PIK3C2G: variants seen among roughly 807,000 people sequenced by gnomAD.
The protein encoded by PIK3C2G is phosphatidylinositol 3-kinase C2 domain-containing subunit gamma.
A neutral mutation model predicts 181.1 loss-of-function variants in PIK3C2G; 168 were observed. That is an observed-to-expected ratio of 0.93 (90% CI 0.82 to 1.05). The LOEUF (loss-of-function observed/expected upper bound fraction) is 1.05. Ranked by LOEUF, PIK3C2G falls within the 50% of genes least tolerant of loss-of-function variation. The pLI is 0.00. For synonymous variants in PIK3C2G, 573 were observed against 592.2 expected (o/e 0.97, Z 0.47); for missense variants, 1,869 against 1,732.8 (o/e 1.08, Z -1.40).
intron 5 of PIK3C2G, among the ~76,000 whole-genome samples, chr12:18,305,817 G>C (rs572533365): frequency 6.6e-6 from 1 of 151,898 alleles, no homozygotes; most frequent in East Asian, 1.9e-4. Flanking sequence ...TGATCTCCTG[G>C]TATAATTACT....
chr12:18,281,380 A>G (rs1396795021), intron 1 of PIK3C2G, among the ~76,000 whole-genome samples: 3 of 151,892 alleles, frequency 2.0e-5, no homozygotes, highest in Non-Finnish European at 4.4e-5. Flanking sequence ...AAGTATGGTG[A>G]ACGGTATCAA....
intron 15 of PIK3C2G, among the ~76,000 whole-genome samples, chr12:18,394,717 C>G (rs557989409): frequency 6.6e-6 from 1 of 151,912 alleles, no homozygotes; most frequent in East Asian, 1.9e-4. Context: ...GAACGGTGAG[C>G]TTGAAGACAG....
the PIK3C2G span, chr12:18,683,717 T>C: frequency 1.0e-6 from 1 of 972,814 alleles, no homozygotes; most frequent in Non-Finnish European, 1.4e-6. Flanking sequence ...AACATAAAGG[T>C]AGTCAGCCCT....
intron 30 of PIK3C2G, among the ~76,000 whole-genome samples, chr12:18,607,706 A>C (rs1226441544): frequency 6.6e-6 from 1 of 152,174 alleles, no homozygotes; most frequent in African/African-American, 2.4e-5. Flanking sequence ...AATGGGATCT[A>C]ATTAAACTAA....
intron 18 of PIK3C2G, among the ~76,000 whole-genome samples, chr12:18,481,982 T>A (rs1392979564): frequency 6.6e-6 from 1 of 152,164 alleles, no homozygotes; most frequent in Non-Finnish European, 1.5e-5. Flanking sequence ...TCAAAACTTT[T>A]AACGATTTAA....
At chr12:18,470,898 G>A (rs1195882215) in intron 18 of PIK3C2G, among the ~76,000 whole-genome samples, 1 of 151,970 alleles carries the variant, frequency 6.6e-6, no homozygotes, top group Admixed American at 6.6e-5. Context: ...TTATTATAAT[G>A]TTTTATTTAT....
chr12:18,670,293 C>A, the PIK3C2G span, among the ~76,000 whole-genome samples: 1 of 151,470 alleles, frequency 6.6e-6, no homozygotes, highest in Non-Finnish European at 1.5e-5. Context: ...CACACATATG[C>A]GCACACACAC....
chr12:18,395,757 C>A (rs990726549), intron 15 of PIK3C2G, among the ~76,000 whole-genome samples: 1 of 150,822 alleles, frequency 6.6e-6, no homozygotes, highest in Middle Eastern at 3.4e-3. Context: ...TAAACTGTTC[C>A]AAGTTTTTCA....
At chr12:18,718,230 C>G in the PIK3C2G span, among the ~76,000 whole-genome samples, 4 of 152,118 alleles carry the variant, frequency 2.6e-5, no homozygotes, top group Non-Finnish European at 4.4e-5. Context: ...ATCTGTATCT[C>G]AAATTCAACT....
At position 18,569,764 on chromosome 12, in the gene PIK3C2G, G is replaced by A. The variant is rs1018679703; in HGVS notation, c.4011+2707G>A. Among the ~76,000 whole-genome samples the A allele has an allele frequency of 2.0e-5, 3 of 152,042 alleles. No individual in the cohort carries two copies. The East Asian group carries it at 5.8e-4, about 29-fold the overall frequency. ...GGTCTTTTTAATCTTTTAAATTTGG[G>A]CCATTCTGGTTGGTGTGCGTCTCAT... On this transcript the variant is annotated intron_variant, in intron 29 of 32. Coordinates refer to ENST00000538779, the MANE Select transcript of PIK3C2G (RefSeq NM_001288772.2).
chr12:18,521,504 G>T (rs2136183092), intron 24 of PIK3C2G, among the ~76,000 whole-genome samples: 1 of 152,154 alleles, frequency 6.6e-6, no homozygotes, highest in East Asian at 1.9e-4. Flanking sequence ...GTGGGTCAGG[G>T]TCAGGCATGA....
chr12:18,491,464 A>G lies in PIK3C2G; in HGVS notation c.2699A>G (p.Lys900Arg). 6.3e-7 allele frequency: 1 copy of G among 1,584,314 alleles called. No homozygotes were observed. The highest frequency in any genetic ancestry group is 1.7e-5 in the Admixed American group (1 of 59,508). Residue 900 changes from lysine to arginine, a missense_variant, in exon 20 of 33, where the codon AAA (lysine) becomes AGA (arginine). Lys to Arg is a conservative substitution (Grantham distance 26). Transcript: ENST00000538779. Reference protein sequence around the residue: ...SDHQRQEVLKKEIGRLEEFFQ... With the variant: ...SDHQRQEVLKREIGRLEEFFQ... ...GATTTTTCACAGGAGGTACTGAAGA[A>G]AGAAATTGGCAGACTAGAAGAGTTC...
At chr12:18,573,259 T>C (rs920205079) in intron 29 of PIK3C2G, among the ~76,000 whole-genome samples, 9 of 152,222 alleles carry the variant, frequency 5.9e-5, no homozygotes, top group Admixed American at 5.2e-4. Flanking sequence ...CAAAATTCAA[T>C]TGCAGCAATT....
intron 30 of PIK3C2G, among the ~76,000 whole-genome samples, chr12:18,599,451 G>C (rs1170286278): frequency 4.7e-5 from 7 of 149,962 alleles, no homozygotes; most frequent in Non-Finnish European, 1.0e-4. Flanking sequence ...TGAACAATGA[G>C]AACACATGGA....
rs1250966508 is a variant in PIK3C2G at position 18,527,667 on chromosome 12, CTCAACT to C, written c.3324-10484_3324-10479del. ...TCCTCAAAGAGCTCTTTCCTCTAAA[CTCAACT>C]TCAAAGAAAAAAAAAAAGTGGGCAG... On this transcript the variant is annotated intron_variant, in intron 24 of 32. Coordinates refer to ENST00000538779, the MANE Select transcript of PIK3C2G (RefSeq NM_001288772.2). Among the ~76,000 whole-genome samples the C allele has an allele frequency of 1.1e-4, 11 of 97,140 alleles. No individual in the cohort carries two copies. The East Asian group carries it at 4.4e-3, about 39-fold the overall frequency. 63.7% of individuals were successfully genotyped at this position (97,140 alleles called of 152,430 possible). A position where few individuals can be genotyped will look rare whatever the true frequency, so the allele number is the denominator to read the frequency against.
the PIK3C2G span, among the ~76,000 whole-genome samples, chr12:18,692,507 C>T: frequency 6.6e-6 from 1 of 151,986 alleles, no homozygotes; most frequent in East Asian, 1.9e-4. Flanking sequence ...TTTTATGCTC[C>T]ATAAGGTTTT....
At chr12:18,438,109 T>C (rs1370216316) in intron 18 of PIK3C2G, among the ~76,000 whole-genome samples, 1 of 151,942 alleles carries the variant, frequency 6.6e-6, no homozygotes, top group Non-Finnish European at 1.5e-5. Flanking sequence ...TTTCCAACCC[T>C]TTTGTCTCAA....
At chr12:18,356,799 C>T (rs1284627517) in intron 11 of PIK3C2G, among the ~76,000 whole-genome samples, 1 of 149,322 alleles carries the variant, frequency 6.7e-6, no homozygotes, top group East Asian at 2.0e-4. Flanking sequence ...TTGCTGACCT[C>T]AAGCTGCTTT....
intron 29 of PIK3C2G, among the ~76,000 whole-genome samples, chr12:18,587,767 C>T (rs950202530): frequency 6.6e-6 from 1 of 151,160 alleles, no homozygotes; most frequent in Non-Finnish European, 1.5e-5. Context: ...CAAAACAAAA[C>T]AAAACAAAAC....
Sources: gnomAD v4.1 joint callset for allele counts (sites outside exome capture counted in the v4.1 genomes callset) on GRCh38, gnomAD v4.1.1 for gene constraint, MANE v1.5 for transcripts, NCBI Gene and HGNC (gene_info 2026-07-23, HGNC 2026-07-21) for gene names.